Variants in TNNT3 observed in about 807,000 individuals in gnomAD.
The protein encoded by TNNT3 is troponin T3, fast skeletal type.
In TNNT3, 36 loss-of-function variants were observed where a neutral mutation model predicts 54.2. The ratio of observed to expected loss-of-function variants is 0.66; its 90% confidence interval spans 0.51 to 0.88. The LOEUF (loss-of-function observed/expected upper bound fraction) is 0.88, where lower values mean the gene tolerates loss of function less well. TNNT3 is among the 40% of genes least tolerant of loss of function. The pLI is 0.00. For synonymous variants in TNNT3, 120 were observed against 109.7 expected, an observed-to-expected ratio of 1.09 and a Z score of -0.59; for missense variants, 291 against 331.6, an observed-to-expected ratio of 0.88 and a Z score of 0.95.
At chr11:1,928,544 G>C (rs1161604629) in intron 6 of TNNT3, among the ~76,000 whole-genome samples, 2 of 152,160 alleles carry the variant, frequency 1.3e-5, no homozygotes, top group Non-Finnish European at 2.9e-5. Context: ...TGGACATTCC[G>C]GACTCAGGCG....
rs1457812332 is a variant in TNNT3 at position 1,934,565 on chromosome 11, A to C, written c.500A>C (p.Lys167Thr). The C allele has an allele frequency of 6.2e-7, 1 of 1,609,846 alleles. No individual in the cohort carries two copies. The highest frequency in any genetic ancestry group is 1.1e-5 in the South Asian group (1 of 90,704). ...YLAKADQKRG[K>T]KQTAREMKKK... ...CTGCAGGCTGACCAGAAGAGAGGCA[A>C]GAAGCAGACAGCCCGGGAAATGAAG... Residue 167 changes from lysine (K) to threonine (T), a missense_variant, in exon 13 of 16, where the codon AAG becomes ACG. Physicochemically the swap from Lys to Thr is moderately conservative, Grantham distance 78. Transcript: ENST00000278317.
At chr11:1,937,343 T>A (rs1424887279) in intron 15 of TNNT3, among the ~76,000 whole-genome samples, 4 of 152,078 alleles carry the variant, frequency 2.6e-5, no homozygotes, top group Non-Finnish European at 5.9e-5. Context: ...GGGCCTTTGG[T>A]GTGGCCAACC....
intron 6 of TNNT3, 81 bp from the exon 7 acceptor site, chr11:1,929,039 C>A: frequency 6.5e-7 from 1 of 1,538,996 alleles, no homozygotes; most frequent in Non-Finnish European, 9.0e-7. Flanking sequence ...TTGCCCGCCA[C>A]AGGCCCCTTG....
At chr11:1,925,042 T>A (rs962223398) in intron 4 of TNNT3, 57 bp from the exon 5 acceptor site, 4 of 1,603,054 alleles carry the variant, frequency 2.5e-6, no homozygotes, top group African/African-American at 1.3e-5. Flanking sequence ...TCACTGTCTC[T>A]GTTCCCTGTC....
At chr11:1,920,991 G>T (rs1007534932) in intron 1 of TNNT3, among the ~76,000 whole-genome samples, 3 of 152,184 alleles carry the variant, frequency 2.0e-5, no homozygotes, top group Non-Finnish European at 4.4e-5. Context: ...ACGTCGGGGG[G>T]CCTGGAGGTC....
Position 1,938,507 on chromosome 11 carries a change from C to G in TNNT3, c.*15C>G. ...GCTGGAAGTAGAGAGGCCAGAAAGG[C>G]CCCTCGAGGCAGAGACCCTCCGCCC... is the stretch of plus-strand genomic sequence containing the variant. On this transcript the variant is annotated 3_prime_UTR_variant, in exon 16 of 16. Transcript: ENST00000278317. 6.2e-7 allele frequency: 1 copy of G among 1,612,774 alleles called. No individual in the cohort carries two copies. The highest frequency in any genetic ancestry group is 8.5e-7 in the Non-Finnish European group (1 of 1,179,670).
chr11:1,928,972 A>AG, intron 6 of TNNT3, 148 bp from the exon 7 acceptor site: 1 of 914,104 alleles, frequency 1.1e-6, no homozygotes. Context: ...GGGCACTTGT[A>AG]GGGCCCCGCA....
In TNNT3 at chr11:1,922,375, G is replaced by A. The variant is rs1398256; in HGVS notation, c.-18-482G>A. 0.74 allele frequency among the ~76,000 whole-genome samples: 112,886 copies of A among 151,928 alleles called. 43,071 individuals are homozygous for A. Among genetic ancestry groups the A allele is most frequent in the East Asian group, 0.93 (4,799 of 5,164 alleles). Reference sequence around the variant, plus strand: ...TACTCATCTTGGGGAGCCAGTCTCGGTCATCCAGGGGCTCCCAGGGAGACC... The same window carrying A: ...TACTCATCTTGGGGAGCCAGTCTCGATCATCCAGGGGCTCCCAGGGAGACC... On this transcript the variant is annotated intron_variant, in intron 1 of 15. Transcript: ENST00000278317.
At chr11:1,922,199 G>T (rs1157868812) in intron 1 of TNNT3, among the ~76,000 whole-genome samples, 4 of 152,200 alleles carry the variant, frequency 2.6e-5, no homozygotes, top group Non-Finnish European at 5.9e-5. Flanking sequence ...AGAAGGAACA[G>T]CTTCCCTGCT....
chr11:1,922,804 G>A (rs540811612), intron 1 of TNNT3, 53 bp from the exon 2 acceptor site: 26 of 1,578,728 alleles, frequency 1.6e-5, no homozygotes, highest in African/African-American at 6.8e-5. Flanking sequence ...CAGGCAGCTC[G>A]TAACTCTCTT....
intron 4 of TNNT3, 56 bp from the exon 5 acceptor site, chr11:1,925,043 G>A: frequency 1.2e-6 from 2 of 1,604,340 alleles, no homozygotes; most frequent in South Asian, 2.2e-5. Flanking sequence ...CACTGTCTCT[G>A]TTCCCTGTCT....
At chr11:1,930,296 G>A (rs12419393) in intron 8 of TNNT3, among the ~76,000 whole-genome samples, 30,628 of 151,976 alleles carry the variant, frequency 0.2, 3,180 homozygotes, top group African/African-American at 0.24. Context: ...ACCAAGCCCC[G>A]CCATACTTCT....
At chr11:1,926,786 C>T in intron 6 of TNNT3, 77 bp downstream of exon 6, 4 of 1,588,606 alleles carry the variant, frequency 2.5e-6, no homozygotes, top group Non-Finnish European at 3.4e-6. Flanking sequence ...TCCCTCTTGC[C>T]CACCCCTTGT....
Position 1,921,151 on chromosome 11 carries a change from C to T in TNNT3, c.-19+1389C>T, listed in dbSNP as rs554849137. On this transcript the variant is annotated intron_variant, in intron 1 of 15. Coordinates refer to ENST00000278317, the MANE Select transcript of TNNT3 (RefSeq NM_006757.4). ...TGGGCTGTCACACCCGCCTCACCCA[C>T]GTCTTGGGTTTCTGGGCAGAAACGT... is the stretch of plus-strand genomic sequence containing the variant. Among the ~76,000 whole-genome samples, 4 of 152,316 alleles carry T rather than the reference C, an allele frequency of 2.6e-5. No homozygotes were observed. In the South Asian group the frequency reaches 8.3e-4, roughly 32 times the overall value.
rs76852810 is a variant in TNNT3 at position 1,929,352 on chromosome 11, C to T, written c.106+209C>T. On this transcript the variant is annotated intron_variant, in intron 7 of 15. Coordinates refer to ENST00000278317, the MANE Select transcript of TNNT3 (RefSeq NM_006757.4). ...GCTGCCAGGGCCTCGCGGGTGCCAC[C>T]GCTCCAAGTTTCTGCCACACAGCGG... Among the ~76,000 whole-genome samples the T allele has an allele frequency of 3.8e-3, 576 of 152,296 alleles. 1 individual carries two copies. Among genetic ancestry groups the T allele is most frequent in the Non-Finnish European group, 6.4e-3 (437 of 68,008 alleles).
chr11:1,937,372 G>A (rs965601097), intron 15 of TNNT3, among the ~76,000 whole-genome samples: 2 of 152,252 alleles, frequency 1.3e-5, no homozygotes, highest in African/African-American at 4.8e-5. Flanking sequence ...AGGGTATCCC[G>A]CCAGTGTCCC....
At chr11:1,931,634 A>T (rs1564819911) in intron 8 of TNNT3, among the ~76,000 whole-genome samples, 1 of 150,540 alleles carries the variant, frequency 6.6e-6, no homozygotes, top group Non-Finnish European at 1.5e-5. Context: ...GTGTTTTCTT[A>T]GTCATCAGTT....
intron 14 of TNNT3, among the ~76,000 whole-genome samples, chr11:1,936,438 T>C (rs980208656): frequency 4.6e-5 from 7 of 152,154 alleles, no homozygotes; most frequent in African/African-American, 1.4e-4. Context: ...CGCTGCCCTG[T>C]TGGCAAGCGA....
intron 8 of TNNT3, among the ~76,000 whole-genome samples, chr11:1,931,262 A>G (rs1853263226): frequency 6.6e-6 from 1 of 152,186 alleles, no homozygotes; most frequent in African/African-American, 2.4e-5. Context: ...AGCGTTTTCC[A>G]TCTTTAGGGT....
Sources: allele counts gnomAD v4.1 joint callset (sites outside exome capture counted in the v4.1 genomes callset), GRCh38; gene constraint gnomAD v4.1.1; transcripts MANE v1.5; gene names NCBI Gene and HGNC (gene_info 2026-07-23, HGNC 2026-07-21).